Variants in ROBO1 observed in about 807,000 individuals in gnomAD.
ROBO1 encodes the protein roundabout guidance receptor 1.
A neutral mutation model predicts 195.9 loss-of-function variants in ROBO1; 149 were observed. That is an observed-to-expected ratio of 0.76 (90% CI 0.67 to 0.87). The LOEUF is 0.87. ROBO1 is among the 40% of genes least tolerant of loss of function. The pLI, the probability that ROBO1 is intolerant of heterozygous loss-of-function variation, is 0.00. For missense variants in ROBO1, 1,933 were observed against 2,068.3 expected (o/e 0.93, Z 1.27); for synonymous variants, 816 against 733.2 (o/e 1.11, Z -1.82).
At chr3:78,834,960 G>A (rs113551585) in intron 4 of ROBO1, among the ~76,000 whole-genome samples, 145 of 152,222 alleles carry the variant, frequency 9.5e-4, no homozygotes, top group African/African-American at 3.0e-3. Flanking sequence ...AAAAAGTGTA[G>A]AGTCCAACTT....
chr3:78,677,042 T>C (rs947361870), intron 10 of ROBO1, among the ~76,000 whole-genome samples: 3 of 152,052 alleles, frequency 2.0e-5, no homozygotes, highest in African/African-American at 4.8e-5. Flanking sequence ...AAGAAAAGAA[T>C]TTTCAACCCA....
intron 2 of ROBO1, among the ~76,000 whole-genome samples, chr3:79,288,249 C>T (rs2109020193): frequency 6.6e-6 from 1 of 152,240 alleles, no homozygotes. Context: ...ACTATTATTA[C>T]TGCACTTCTG....
At chr3:79,046,281 G>A (rs1216338897) in intron 3 of ROBO1, among the ~76,000 whole-genome samples, 1 of 152,044 alleles carries the variant, frequency 6.6e-6, no homozygotes, top group East Asian at 1.9e-4. Context: ...CCTGAGGCCA[G>A]CTAATAGCCA....
At chr3:79,336,156 A>AT (rs1463144192) in intron 2 of ROBO1, among the ~76,000 whole-genome samples, 1 of 152,134 alleles carries the variant, frequency 6.6e-6, no homozygotes, top group African/African-American at 2.4e-5. Context: ...AGAAAAACCC[A>AT]TTTTCTGGGG....
intron 1 of ROBO1, among the ~76,000 whole-genome samples, chr3:79,678,822 T>A (rs1391468467): frequency 6.6e-6 from 1 of 152,056 alleles, no homozygotes; most frequent in Non-Finnish European, 1.5e-5. Flanking sequence ...GTGAGGAATC[T>A]TAAAACTGCT....
intron 1 of ROBO1, among the ~76,000 whole-genome samples, chr3:79,656,027 G>A (rs947378552): frequency 3.9e-5 from 6 of 152,008 alleles, no homozygotes; most frequent in African/African-American, 1.4e-4. Context: ...TATTTGTAAA[G>A]TCAGCACAAG....
chr3:78,960,035 G>T (rs531143881), intron 3 of ROBO1, among the ~76,000 whole-genome samples: 1 of 152,076 alleles, frequency 6.6e-6, no homozygotes, highest in African/African-American at 2.4e-5. Flanking sequence ...AGGTAACAGC[G>T]GTGCCTGTGG....
chr3:78,992,932 C>T (rs1427168554), intron 3 of ROBO1, among the ~76,000 whole-genome samples: 1 of 152,114 alleles, frequency 6.6e-6, no homozygotes, highest in Admixed American at 6.6e-5. Flanking sequence ...GACAAAAGAA[C>T]ACGCCAAGAT....
intron 2 of ROBO1, among the ~76,000 whole-genome samples, chr3:79,362,160 T>C (rs2035794957): frequency 6.6e-6 from 1 of 152,148 alleles, no homozygotes; most frequent in Non-Finnish European, 1.5e-5. Flanking sequence ...CGAGGAATTA[T>C]GTGTATCTAA....
chr3:79,144,695 A>G (rs1369637452), intron 2 of ROBO1, among the ~76,000 whole-genome samples: 1 of 151,952 alleles, frequency 6.6e-6, no homozygotes, highest in Admixed American at 6.6e-5. Context: ...TCCTTATATT[A>G]AAAGGAAAAA....
At position 78,614,670 on chromosome 3, in the gene ROBO1, C is replaced by A; in HGVS notation, c.4413G>T (p.Leu1471=). ...CACCATCTGTGTAGGTTTCTCTGCG[C>A]AGATGTCCTGGCTGGTGTTTCAGTT... ...AKKLKHQPGH[L]RRETYTDDLP... The change falls in exon 28 of 31, where the codon CTG becomes CTT. Residue 1471 remains leucine (L), a synonymous_variant. Coordinates refer to ENST00000464233, the MANE Select transcript of ROBO1 (RefSeq NM_002941.4). The A allele has an allele frequency of 1.2e-6, 2 of 1,613,760 alleles. No individual in the cohort carries two copies. The highest frequency in any genetic ancestry group is 1.7e-6 in the Non-Finnish European group (2 of 1,179,820).
chr3:79,301,359 T>A (rs1486365938), intron 2 of ROBO1, among the ~76,000 whole-genome samples: 1 of 152,204 alleles, frequency 6.6e-6, no homozygotes, highest in Non-Finnish European at 1.5e-5. Flanking sequence ...TACTGTGAAA[T>A]GTGACTGAGT....
intron 2 of ROBO1, among the ~76,000 whole-genome samples, chr3:79,128,688 C>A (rs2080263047): frequency 6.6e-6 from 1 of 152,146 alleles, no homozygotes. Flanking sequence ...GGAAATGGGT[C>A]AGATGGACCC....
chr3:78,635,798 G>A lies in ROBO1; in HGVS notation c.3348C>T (p.Ile1116=), dbSNP rs755609179. ...CTTTGTTCAGCTTGTTTTGCTCCAC[G>A]ATGTTGTACTGAACTGGTGCCACTT... is the stretch of plus-strand genomic sequence containing the variant. ...KQEVAPVQYN[I]VEQNKLNKDY... is the part of the protein sequence containing the mutation. Residue 1116 remains isoleucine, a synonymous_variant, in exon 23 of 31, where the codon ATC becomes ATT. Coordinates refer to ENST00000464233, the MANE Select transcript of ROBO1 (RefSeq NM_002941.4). The A allele has an allele frequency of 3.0e-5, 48 of 1,613,578 alleles. No homozygotes were observed. The highest frequency in any genetic ancestry group is 3.6e-5 in the Non-Finnish European group (43 of 1,179,738).
chr3:78,678,728 C>T (rs920087389), intron 10 of ROBO1, among the ~76,000 whole-genome samples: 1 of 152,144 alleles, frequency 6.6e-6, no homozygotes, highest in Non-Finnish European at 1.5e-5. Context: ...GGATTCACAG[C>T]CGAATTCTAC....
intron 4 of ROBO1, among the ~76,000 whole-genome samples, chr3:78,858,171 T>C (rs942529998): frequency 2.6e-5 from 4 of 152,190 alleles, no homozygotes; most frequent in Non-Finnish European, 5.9e-5. Context: ...AGGAGACTTA[T>C]TTAAATAAAG....
At chr3:78,602,088 T>C (rs1226861234) in intron 29 of ROBO1, among the ~76,000 whole-genome samples, 3 of 151,736 alleles carry the variant, frequency 2.0e-5, no homozygotes, top group East Asian at 1.9e-4. Flanking sequence ...ATGAATGATA[T>C]AGTTTGGATA....
chr3:79,658,518 G>A (rs920032056), intron 1 of ROBO1, among the ~76,000 whole-genome samples: 1 of 151,982 alleles, frequency 6.6e-6, no homozygotes, highest in Non-Finnish European at 1.5e-5. Context: ...TAACATTAAT[G>A]TGTTAAAATT....
chr3:79,321,562 A>C (rs915375443), intron 2 of ROBO1, among the ~76,000 whole-genome samples: 1 of 152,202 alleles, frequency 6.6e-6, no homozygotes, highest in Non-Finnish European at 1.5e-5. Flanking sequence ...TGCAGACTGC[A>C]ATTCAGCAAG....
Sources: gnomAD v4.1 joint callset for allele counts (sites outside exome capture counted in the v4.1 genomes callset) on GRCh38, gnomAD v4.1.1 for gene constraint, MANE v1.5 for transcripts, NCBI Gene and HGNC (gene_info 2026-07-23, HGNC 2026-07-21) for gene names.